IL24: variants seen among roughly 807,000 people sequenced by gnomAD.
IL24 encodes the protein interleukin-24.
In IL24, 24 loss-of-function variants were observed where a neutral mutation model predicts 27.6. That is an observed-to-expected ratio of 0.87 (90% CI 0.63 to 1.22). The LOEUF (loss-of-function observed/expected upper bound fraction) is 1.22. Among genes scored for constraint, IL24 ranks in the 50% most tolerant of loss-of-function variants. The probability of loss-of-function intolerance (pLI) is 0.00; values close to 1 mark genes in which losing one functional copy is unlikely to be tolerated. For missense variants in IL24, 240 were observed against 237.0 expected, an observed-to-expected ratio of 1.01 and a Z score of -0.08; for synonymous variants, 99 against 93.1, an observed-to-expected ratio of 1.06 and a Z score of -0.36.
chr1:206,901,818 A>G (rs189115422), intron 5 of IL24, among the ~76,000 whole-genome samples, 166 bp downstream of exon 5: 7 of 152,286 alleles, frequency 4.6e-5, no homozygotes. Flanking sequence ...TGCGAGAATT[A>G]AAGGAGGTAG....
Position 206,899,491 on chromosome 1 carries a change from C to T in IL24, c.216C>T (p.Ala72=). Residue 72 remains alanine (A), a synonymous_variant, in exon 3 of 7, where the codon GCC becomes GCT. Coordinates refer to ENST00000294984, the MANE Select transcript of IL24 (RefSeq NM_006850.3). The stretch of plus-strand genomic sequence containing the variant: ...TTGTTCCCCAGAAACTGTGGGAAGC[C>T]TTCTGGGCTGTGAAAGACACTATGG... The part of the protein sequence containing the change: ...KGVVPQKLWE[A]FWAVKDTMQA... The T allele has an allele frequency of 6.2e-7, 1 of 1,609,374 alleles. No homozygotes were observed. The highest frequency in any genetic ancestry group is 8.5e-7 in the Non-Finnish European group (1 of 1,177,692).
intron 1 of IL24, 22 bp from the exon 2 acceptor site, chr1:206,897,709 A>T: frequency 1.0e-6 from 1 of 970,448 alleles, no homozygotes; most frequent in South Asian, 1.5e-5. Flanking sequence ...GCAGAAGTCA[A>T]TTTTTTTGAG....
At chr1:206,900,678 T>C (rs1179687443) in intron 4 of IL24, among the ~76,000 whole-genome samples, 1 of 152,102 alleles carries the variant, frequency 6.6e-6, no homozygotes, top group African/African-American at 2.4e-5. Flanking sequence ...CTCTTCCATT[T>C]TCATCCTTTT....
At position 206,899,432 on chromosome 1, in the gene IL24, G is replaced by T. The variant is rs759097167; in HGVS notation, c.157G>T (p.Glu53Ter). ...CCAGGTATCAGGGGCCCAGGGCCAA[G>T]AATTCCACTTTGGGCCCTGCCAAGT... Reference protein sequence around the residue: ...WSQVSGAQGQEFHFGPCQVKG... With the variant: ...WSQVSGAQGQ The change falls in exon 3 of 7, where the codon GAA becomes TAA. Residue 53 changes from glutamate to a stop codon, truncating the protein, a stop_gained. Transcript: ENST00000294984. LOFTEE classifies it high-confidence loss of function. The T allele has an allele frequency of 4.3e-6, 7 of 1,614,200 alleles. No homozygotes were observed. Among genetic ancestry groups the T allele is most frequent in the South Asian group, 2.2e-5 (2 of 91,080 alleles).
intron 6 of IL24, 185 bp downstream of exon 6, chr1:206,902,257 T>A: frequency 1.0e-6 from 1 of 985,382 alleles, no homozygotes; most frequent in Non-Finnish European, 1.2e-6. Context: ...TAAGTGGTCT[T>A]TTTTCTTCCA....
Position 206,897,512 on chromosome 1 carries a change from T to C in IL24, c.-206T>C. On this transcript the variant is annotated 5_prime_UTR_variant, in exon 1 of 7. It removes an upstream start codon present in the reference 5' UTR. Transcript: ENST00000294984. Reference sequence around the variant, plus strand: ...GACGGGAACCTTCCACCCACAGCTATGCCTCTGATTGGTGAATGGTGAAGG... The same window carrying C: ...GACGGGAACCTTCCACCCACAGCTACGCCTCTGATTGGTGAATGGTGAAGG... 4.9e-6 allele frequency: 1 copy of C among 204,908 alleles called. No homozygotes were observed. Among genetic ancestry groups the C allele is most frequent in the Non-Finnish European group, 9.8e-6 (1 of 102,220 alleles). 12.7% of individuals were successfully genotyped at this position (204,908 alleles called of 1,614,324 possible).
intron 5 of IL24, among the ~76,000 whole-genome samples, 172 bp from the exon 6 acceptor site, chr1:206,901,826 T>C (rs291107): frequency 0.55 from 83,413 of 152,030 alleles, 24,801 homozygotes; most frequent in African/African-American, 0.78. Context: ...TTAAAGGAGG[T>C]AGCCCCTTTC....
At chr1:206,902,539 C>CT in intron 6 of IL24, 2 of 982,442 alleles carry the variant, frequency 2.0e-6, no homozygotes, top group Non-Finnish European at 2.4e-6. Flanking sequence ...TCCCCAGCCC[C>CT]CCTAAAAACA....
intron 2 of IL24, among the ~76,000 whole-genome samples, 166 bp downstream of exon 2, chr1:206,898,042 C>CA (rs1258565169): frequency 6.6e-6 from 1 of 151,554 alleles, no homozygotes; most frequent in African/African-American, 2.4e-5. Flanking sequence ...TTTTCAGATA[C>CA]AAAAATCCCA....
intron 4 of IL24, 109 bp downstream of exon 4, chr1:206,900,466 C>A: frequency 2.0e-6 from 2 of 977,726 alleles, no homozygotes; most frequent in Non-Finnish European, 1.6e-6. Flanking sequence ...CTTCCCTGGA[C>A]TGACCTTACA....
chr1:206,902,540 C>G, intron 6 of IL24: 9 of 982,250 alleles, frequency 9.2e-6, no homozygotes, highest in Non-Finnish European at 1.1e-5. Flanking sequence ...CCCCAGCCCC[C>G]CTAAAAACAT....
chr1:206,903,083 C>A lies in IL24; in HGVS notation c.*24C>A. 6.3e-7 allele frequency: 1 copy of A among 1,579,288 alleles called. No homozygotes were observed. Among genetic ancestry groups the A allele is most frequent in the Non-Finnish European group, 8.7e-7 (1 of 1,148,140 alleles). The stretch of plus-strand genomic sequence containing the variant: ...GAATGTCTAGACCAGGACCTCCCTC[C>A]CCCTGGCACTGGTTTGTTCCCTGTG... On this transcript the variant is annotated 3_prime_UTR_variant, in exon 7 of 7. Coordinates refer to ENST00000294984, the MANE Select transcript of IL24 (RefSeq NM_006850.3).
At chr1:206,901,467 C>T (rs1678375849) in intron 4 of IL24, 27 bp from the exon 5 acceptor site, 1 of 1,597,358 alleles carries the variant, frequency 6.3e-7, no homozygotes, top group South Asian at 1.1e-5. Flanking sequence ...GAGGCCTTGG[C>T]TCAGCAGTGA....
At chr1:206,900,411 G>C (rs1205162877) in intron 4 of IL24, 54 bp downstream of exon 4, 4 of 1,510,148 alleles carry the variant, frequency 2.6e-6, no homozygotes, top group Non-Finnish European at 3.7e-6. Context: ...CTGTGGGTGG[G>C]AGTGCAAGGC....
chr1:206,899,537 A>AAAC, intron 3 of IL24, 22 bp downstream of exon 3: 2 of 1,540,688 alleles, frequency 1.3e-6, no homozygotes, highest in African/African-American at 2.8e-5. Flanking sequence ...GCTGTTCTGG[A>AAAC]CCCAGTCGTG....
chr1:206,899,680 C>T (rs1023432460), intron 3 of IL24, among the ~76,000 whole-genome samples, 165 bp downstream of exon 3: 3 of 152,112 alleles, frequency 2.0e-5, no homozygotes, highest in African/African-American at 7.2e-5. Flanking sequence ...ACCACAAGCC[C>T]CATTTACACA....
At position 206,903,125 on chromosome 1, in the gene IL24, C is replaced by G. The variant is rs1359169963; in HGVS notation, c.*66C>G. The stretch of plus-strand genomic sequence containing the variant: ...TTCCCTGTGTCATTTCAAACAGTCT[C>G]CCTTCCTATGCTGTTCACTGGACAC... On this transcript the variant is annotated 3_prime_UTR_variant, in exon 7 of 7. Transcript: ENST00000294984. 7.4e-7 allele frequency: 1 copy of G among 1,344,532 alleles called. No individual in the cohort carries two copies. Among genetic ancestry groups the G allele is most frequent in the Non-Finnish European group, 1.1e-6 (1 of 934,846 alleles). 83.3% of individuals were successfully genotyped at this position (1,344,532 alleles called of 1,614,324 possible). A position where few individuals can be genotyped will look rare whatever the true frequency, so the allele number is the denominator to read the frequency against.
chr1:206,899,485 G>A lies in IL24; in HGVS notation c.210G>A (p.Trp70Ter), dbSNP rs757703371. 11 of 1,611,816 alleles carry A rather than the reference G, an allele frequency of 6.8e-6. No homozygotes were observed. The highest frequency in any genetic ancestry group is 9.3e-6 in the Non-Finnish European group (11 of 1,178,782). The change falls in exon 3 of 7, where the codon TGG becomes TGA. Residue 70 changes from tryptophan (W) to a stop codon, truncating the protein, a stop_gained. Transcript: ENST00000294984. LOFTEE classifies it high-confidence loss of function. ...QVKGVVPQKL[W>*]EAFWAVKDTM... ...AGGGGGTTGTTCCCCAGAAACTGTG[G>A]GAAGCCTTCTGGGCTGTGAAAGACA... is the stretch of plus-strand genomic sequence containing the variant.
At chr1:206,901,887 C>A in intron 5 of IL24, 111 bp from the exon 6 acceptor site, 4 of 1,137,586 alleles carry the variant, frequency 3.5e-6, no homozygotes, top group African/African-American at 1.5e-5. Context: ...GGATTCAGCC[C>A]TGGGCTCTCA....
Sources: gnomAD v4.1 joint callset for allele counts (sites outside exome capture counted in the v4.1 genomes callset) on GRCh38, gnomAD v4.1.1 for gene constraint, MANE v1.5 for transcripts, NCBI Gene and HGNC (gene_info 2026-07-23, HGNC 2026-07-21) for gene names.